The following MSI1 variants were observed in gnomAD, a reference collection of about 807,000 sequenced individuals.
MSI1 encodes musashi RNA binding protein 1.
In MSI1, 15 loss-of-function variants were observed where a neutral mutation model predicts 54.4. That is an observed-to-expected ratio of 0.28 (90% CI 0.18 to 0.42). The LOEUF (loss-of-function observed/expected upper bound fraction) is 0.42, where lower values mean the gene tolerates loss of function less well. Ranked by LOEUF, MSI1 falls within the 20% of genes least tolerant of loss-of-function variation. The pLI is 1.00. For synonymous variants in MSI1, 200 were observed against 196.5 expected, an observed-to-expected ratio of 1.02 and a Z score of -0.15; for missense variants, 304 against 506.0, an observed-to-expected ratio of 0.60 and a Z score of 3.83.
chr12:120,351,374 G>A lies in MSI1; in HGVS notation c.760C>T (p.Pro254Ser), dbSNP rs759088687. Residue 254 changes from proline to serine, a missense_variant, in exon 11 of 15, where the codon CCG (proline) becomes TCG (serine). Transcript: ENST00000257552. ...PEFRVERTPL[P>S]SAPVLPELTA... ...AGCTCGGGGAGGACTGGGGCGCTCG[G>A]GAGAGGGGTCCGCTCTACACGGAAT... The A allele has an allele frequency of 3.3e-5, 54 of 1,613,534 alleles. No individual in the cohort carries two copies. The highest frequency in any genetic ancestry group is 4.3e-5 in the Non-Finnish European group (51 of 1,179,932).
intron 10 of MSI1, among the ~76,000 whole-genome samples, chr12:120,351,710 TC>T (rs1194637399): frequency 6.7e-5 from 7 of 104,172 alleles, no homozygotes; most frequent in Non-Finnish European, 9.2e-5. Context: ...TTTCTTTCTC[TC>T]TTTTTTTTTT....
chr12:120,356,715 C>T (rs1007865072), intron 9 of MSI1, among the ~76,000 whole-genome samples, 187 bp downstream of exon 9: 1 of 152,264 alleles, frequency 6.6e-6, no homozygotes, highest in East Asian at 1.9e-4. Context: ...AGGGCAGCAC[C>T]CCCCAACCAA....
intron 4 of MSI1, among the ~76,000 whole-genome samples, chr12:120,365,990 C>T (rs1405641792): frequency 6.6e-6 from 1 of 152,182 alleles, no homozygotes; most frequent in African/African-American, 2.4e-5. Context: ...CACCTTTGCC[C>T]TTGGCTGTGA....
intron 9 of MSI1, among the ~76,000 whole-genome samples, chr12:120,356,180 C>T (rs1196878956): frequency 1.3e-5 from 2 of 152,168 alleles, no homozygotes; most frequent in Non-Finnish European, 2.9e-5. Flanking sequence ...ACTCCTGTCT[C>T]CAACTTGAAG....
In MSI1 at chr12:120,356,969, T is replaced by C; in HGVS notation, c.585A>G (p.Ser195=). The C allele has an allele frequency of 6.2e-7, 1 of 1,614,276 alleles. No homozygotes were observed. Among genetic ancestry groups the C allele is most frequent in the Non-Finnish European group, 8.5e-7 (1 of 1,180,050 alleles). The change falls in exon 9 of 15, where the codon TCA becomes TCG. Residue 195 remains serine, a synonymous_variant. Transcript: ENST00000257552. ...GCATGACTCGAGACCTCCCCCGGGC[T>C]GAGCCCGTTGGCGACATCACCTCCT... The part of the protein sequence containing the change: ...QPKEVMSPTG[S]ARGRSRVMPY...
intron 10 of MSI1, 46 bp from the exon 11 acceptor site, chr12:120,351,446 C>T: frequency 6.3e-7 from 1 of 1,584,818 alleles, no homozygotes; most frequent in African/African-American, 1.3e-5. Context: ...GGGGAGGCCC[C>T]TTGGACATGG....
chr12:120,356,824 T>C, intron 9 of MSI1, 78 bp downstream of exon 9: 1 of 1,285,876 alleles, frequency 7.8e-7, no homozygotes, highest in Middle Eastern at 2.0e-4. Context: ...ACAGGGGAGG[T>C]GCAACACCCA....
rs1875902785 is a variant in MSI1, at chr12:120,364,590, C to A, written c.309+124G>T. The A allele has an allele frequency of 4.3e-6, 4 of 921,862 alleles. No individual in the cohort carries two copies. In the South Asian group the frequency reaches 8.7e-5, roughly 20 times the overall value. 57.1% of individuals were successfully genotyped at this position (921,862 alleles called of 1,614,324 possible). ...CAAGAATCCCCTCTTCCCAGCCCAG[C>A]CCATTCCACAAACACTCCAAGCAGA... On this transcript the variant is annotated intron_variant, in intron 5 of 14. Coordinates refer to ENST00000257552, the MANE Select transcript of MSI1 (RefSeq NM_002442.4).
chr12:120,353,161 T>G, intron 10 of MSI1, 138 bp downstream of exon 10: 3 of 835,382 alleles, frequency 3.6e-6, no homozygotes, highest in Non-Finnish European at 5.9e-6. Flanking sequence ...GAGGCCCTCT[T>G]TCCTCAGACA....
chr12:120,368,022 G>A lies in MSI1; in HGVS notation c.253C>T (p.Leu85Phe), dbSNP rs755234912. Residue 85 changes from leucine to phenylalanine, a missense_variant, in exon 4 of 15, where the codon CTC becomes TTC. By Grantham distance (22) the Leu-to-Phe change is conservative. Around this residue, in one of 4 missense-constraint regions of MSI1, gnomAD observed 105 missense variants for 230.1 expected, o/e 0.46. Transcript: ENST00000257552. The surrounding 1 kb of genome is among the most constrained non-coding windows in gnomAD (Gnocchi z 6.6). The part of the protein sequence containing the change: ...DKVLAQSRHE[L>F]DSKTIDPKVA... The stretch of plus-strand genomic sequence containing the variant: ...GGGCCACTCACTGTTTTGGAGTCGA[G>A]CTCGTGCCGCGATTGCGCCAGCACT... 1 of 1,612,476 alleles carries A rather than the reference G, an allele frequency of 6.2e-7. No homozygotes were observed. The highest frequency in any genetic ancestry group is 8.5e-7 in the Non-Finnish European group (1 of 1,179,338).
At position 120,357,905 on chromosome 12, in the gene MSI1, G is replaced by A. The variant is rs1351410023; in HGVS notation, c.452-7C>T. On this transcript the variant is annotated splice_polypyrimidine_tract_variant and splice_region_variant and intron_variant, in intron 7 of 14. Transcript: ENST00000257552. ...AACGTGACAAACCCGAACCCTAGAG[G>A]TTGGACAAAGGATAAAGGCAAGGTC... 2 of 1,614,060 alleles carry A rather than the reference G, an allele frequency of 1.2e-6. No individual in the cohort carries two copies. The highest frequency in any genetic ancestry group is 4.5e-5 in the East Asian group (2 of 44,884).
At chr12:120,351,448 T>C in intron 10 of MSI1, 48 bp from the exon 11 acceptor site, 1 of 1,575,336 alleles carries the variant, frequency 6.3e-7, no homozygotes, top group Non-Finnish European at 8.7e-7. Context: ...GGAGGCCCCT[T>C]GGACATGGCC....
chr12:120,364,097 C>T (rs1303176655), intron 5 of MSI1, among the ~76,000 whole-genome samples: 1 of 152,232 alleles, frequency 6.6e-6, no homozygotes. Flanking sequence ...CCCTGCCCTG[C>T]ACCAAAAGTT....
In MSI1 at chr12:120,342,914, G is replaced by A. The variant is rs1873800802; in HGVS notation, c.*213C>T. Reference sequence around the variant, plus strand: ...AGGGGCGGGTGGGGATGGGGGCAAGGGCGAAGAGGGGGACGTTAGTAGGGG... The same window carrying A: ...AGGGGCGGGTGGGGATGGGGGCAAGAGCGAAGAGGGGGACGTTAGTAGGGG... On this transcript the variant is annotated 3_prime_UTR_variant, in exon 15 of 15. Coordinates refer to ENST00000257552, the MANE Select transcript of MSI1 (RefSeq NM_002442.4). 1 of 150,844 alleles carries A rather than the reference G, an allele frequency of 6.6e-6. No individual in the cohort carries two copies. The highest frequency in any genetic ancestry group is 6.6e-5 in the Admixed American group (1 of 15,110). The allele number at this position is 150,844 out of a possible 1,614,324, so 9.3% of individuals were successfully genotyped here.
In MSI1 at chr12:120,365,111, A is replaced by G. The variant is rs563899384; in HGVS notation, c.268-356T>C. Among the ~76,000 whole-genome samples, 19 of 152,148 alleles carry G rather than the reference A, an allele frequency of 1.2e-4. No homozygotes were observed. The South Asian group carries it at 3.7e-3, about 30-fold the overall frequency. On this transcript the variant is annotated intron_variant, in intron 4 of 14. Transcript: ENST00000257552. Reference sequence around the variant, plus strand: ...TTTTTAGTAGAGACGGGGTTTCACCATGTTGGCCAGACTGGTTTCAAACTC... The same window carrying G: ...TTTTTAGTAGAGACGGGGTTTCACCGTGTTGGCCAGACTGGTTTCAAACTC...
In MSI1 at chr12:120,342,546, A is replaced by G. The variant is rs1350092464; in HGVS notation, c.*581T>C. 1.3e-5 allele frequency: 2 copies of G among 151,584 alleles called. No individual in the cohort carries two copies. Among genetic ancestry groups the G allele is most frequent in the African/African-American group, 4.9e-5 (2 of 41,144 alleles). The allele number at this position is 151,584 out of a possible 1,614,324, so 9.4% of individuals were successfully genotyped here. On this transcript the variant is annotated 3_prime_UTR_variant, in exon 15 of 15. Transcript: ENST00000257552. ...GAGGCGGCCAGGGGCCCACACCCAG[A>G]TAGACACTTTGTTCTCAGCTGGTGG...
intron 6 of MSI1, among the ~76,000 whole-genome samples, chr12:120,360,280 C>T (rs1052762633): frequency 1.3e-5 from 2 of 152,120 alleles, no homozygotes; most frequent in South Asian, 2.1e-4. Flanking sequence ...CCACCAGGCC[C>T]GACCCCATCA....
In MSI1 at chr12:120,346,197, C is replaced by A. The variant is rs1196203379; in HGVS notation, c.985G>T (p.Val329Phe). ...CTGGCGGCGCTGATGTAACTGCTGA[C>A]CCCCGAGTCCTGGTTGGCCGCCCCG... ...LYGAANQDSG[V>F]SSYISAASPA... The change falls in exon 13 of 15, where the codon GTC becomes TTC. Residue 329 changes from valine to phenylalanine, a missense_variant. Physicochemically the swap from Val to Phe is conservative, Grantham distance 50. Coordinates refer to ENST00000257552, the MANE Select transcript of MSI1 (RefSeq NM_002442.4). 3 of 1,599,790 alleles carry A rather than the reference C, an allele frequency of 1.9e-6. No individual in the cohort carries two copies. Among genetic ancestry groups the A allele is most frequent in the East Asian group, 4.5e-5 (2 of 44,334 alleles).
At chr12:120,356,858 G>T (rs1231023514) in intron 9 of MSI1, 44 bp downstream of exon 9, 1 of 1,547,344 alleles carries the variant, frequency 6.5e-7, no homozygotes, top group South Asian at 1.1e-5. Flanking sequence ...AGTCCTGGGA[G>T]CAGTTCTGGC....
Sources: allele counts gnomAD v4.1 joint callset (sites outside exome capture counted in the v4.1 genomes callset), GRCh38; gene constraint gnomAD v4.1.1; regional missense constraint gnomAD v4.1.1; non-coding constraint Gnocchi (gnomAD v3.1); transcripts MANE v1.5; gene names NCBI Gene and HGNC (gene_info 2026-07-23, HGNC 2026-07-21).